The following GEMIN5 variants were observed in gnomAD, a reference collection of about 807,000 sequenced individuals.
GEMIN5 encodes gem-associated protein 5.
GEMIN5 carries 124 observed loss-of-function variants against 176.9 expected under a neutral mutation model. The ratio of observed to expected loss-of-function variants is 0.70; its 90% CI spans 0.61 to 0.81. The LOEUF is 0.81. GEMIN5 is among the 40% of genes least tolerant of loss of function. The pLI is 0.00. For missense variants in GEMIN5, 1,843 were observed against 1,814.6 expected (o/e 1.02, Z -0.28); for synonymous variants, 673 against 665.2 (o/e 1.01, Z -0.18).
rs1176619845 is a variant in GEMIN5 at position 154,928,631 on chromosome 5, C to T, written c.810G>A (p.Leu270=). 6.2e-7 allele frequency: 1 copy of T among 1,613,950 alleles called. No individual in the cohort carries two copies. Among genetic ancestry groups the T allele is most frequent in the East Asian group, 2.2e-5 (1 of 44,878 alleles). ...GGTCTATACCCCCTCCTCTTCTCTT[C>T]AGAAAGGGCAATTTCAAAATCATCA... is the stretch of plus-strand genomic sequence containing the variant. ...RGVMILKLPF[L]KRRGGGIDPT... Residue 270 remains leucine (L), a synonymous_variant, in exon 6 of 28, where the codon CTG becomes CTA. Transcript: ENST00000285873.
Position 154,899,275 on chromosome 5 carries a change from G to A in GEMIN5, c.3050C>T (p.Pro1017Leu), listed in dbSNP as rs1378180520. The change falls in exon 22 of 28, where the codon CCG becomes CTG. Residue 1017 changes from proline to leucine, a missense_variant. Transcript: ENST00000285873. ...CAAGTCCTTCAGGACTGGGTCCTCC[G>A]GGCGCAGCCGGGCCTTGGCAATCGC... Reference protein sequence around the residue: ...AIAIAKARLRPEDPVLKDLYL... With the variant: ...AIAIAKARLRLEDPVLKDLYL... 4.3e-6 allele frequency: 7 copies of A among 1,612,180 alleles called. No homozygotes were observed. Among genetic ancestry groups the A allele is most frequent in the South Asian group, 1.1e-5 (1 of 90,486 alleles).
chr5:154,907,148 G>A lies in GEMIN5; in HGVS notation c.2395+443C>T, dbSNP rs1047435256. 2.6e-5 allele frequency among the ~76,000 whole-genome samples: 4 copies of A among 152,068 alleles called. No individual in the cohort carries two copies. The East Asian group carries it at 5.8e-4, about 22-fold the overall frequency. ...TTTCTGTGAGAAGACAGAAAGCCGC[G>A]TACAAACTCCACGTAAGGGGGTGAG... is the stretch of plus-strand genomic sequence containing the variant. On this transcript the variant is annotated intron_variant, in intron 16 of 27. Coordinates refer to ENST00000285873, the MANE Select transcript of GEMIN5 (RefSeq NM_015465.5).
chr5:154,894,077 T>C (rs997885085), intron 24 of GEMIN5, among the ~76,000 whole-genome samples: 3 of 152,134 alleles, frequency 2.0e-5, no homozygotes, highest in Admixed American at 6.5e-5. Flanking sequence ...CCCTAGTACC[T>C]GGGATTACAG....
rs757769314 is a variant in GEMIN5 at position 154,919,996 on chromosome 5, T to C, written c.1570A>G (p.Lys524Glu). ...KLSGEAFDINKLIRDTNSIKY... is the reference protein window; with the variant it reads ...KLSGEAFDINELIRDTNSIKY... ...ATTGAATTGGTGTCCCTGATGAGTT[T>C]GTTGATGTCAAAGGCTTCTCCACTA... The change falls in exon 11 of 28, where the codon AAA becomes GAA. Residue 524 changes from lysine to glutamate, a missense_variant. Coordinates refer to ENST00000285873, the MANE Select transcript of GEMIN5 (RefSeq NM_015465.5). The C allele has an allele frequency of 3.1e-6, 5 of 1,613,732 alleles. No individual in the cohort carries two copies. The African/African-American group carries it at 4.0e-5, about 13-fold the overall frequency.
chr5:154,908,172 C>CTTTTTTT (rs386405383), intron 15 of GEMIN5, among the ~76,000 whole-genome samples: 1 of 73,064 alleles, frequency 1.4e-5, no homozygotes, highest in African/African-American at 5.3e-5. Context: ...CCCAGATGTC[C>CTTTTTTT]TTTTTTTTTT....
At chr5:154,927,287 A>C in intron 7 of GEMIN5, 98 bp downstream of exon 7, 1 of 669,342 alleles carries the variant, frequency 1.5e-6, no homozygotes, top group Admixed American at 2.4e-5. Context: ...TCAGGGGTGG[A>C]GTATTACGAC....
intron 13 of GEMIN5, among the ~76,000 whole-genome samples, chr5:154,913,678 G>A (rs1027681475): frequency 6.6e-6 from 1 of 152,100 alleles, no homozygotes; most frequent in Non-Finnish European, 1.5e-5. Flanking sequence ...TTAACCGGGT[G>A]TGTTGGTGCA....
intron 8 of GEMIN5, among the ~76,000 whole-genome samples, 168 bp downstream of exon 8, chr5:154,925,694 G>A (rs1764014954): frequency 6.6e-6 from 1 of 152,196 alleles, no homozygotes; most frequent in East Asian, 1.9e-4. Context: ...AAACTCTGGA[G>A]GATAATGGGT....
intron 25 of GEMIN5, 119 bp downstream of exon 25, chr5:154,892,268 A>T: frequency 1.2e-6 from 1 of 809,416 alleles, no homozygotes; most frequent in Non-Finnish European, 1.9e-6. Context: ...TTTCTACTAA[A>T]ATGACACAGC....
chr5:154,898,440 C>G lies in GEMIN5; in HGVS notation c.3345G>C (p.Gln1115His). 2 of 1,611,408 alleles carry G rather than the reference C, an allele frequency of 1.2e-6. No homozygotes were observed. Among genetic ancestry groups the G allele is most frequent in the African/African-American group, 2.7e-5 (2 of 75,004 alleles). Residue 1115 changes from glutamine (Q) to histidine (H), a missense_variant and splice_region_variant, in exon 23 of 28, where the codon CAG becomes CAC. Transcript: ENST00000285873. Reference sequence around the variant, plus strand: ...CTAGGAGATGAAATAACAGACTGACCTGTAGACTTTCATGCAGCTGCAGGG... The same window carrying G: ...CTAGGAGATGAAATAACAGACTGACGTGTAGACTTTCATGCAGCTGCAGGG... ...QEALQLHESLQGQRLVFCLLE... is the reference protein window; with the variant it reads ...QEALQLHESLHGQRLVFCLLE...
rs1415502108 is a variant in GEMIN5 at position 154,902,666 on chromosome 5, G to A, written c.2739C>T (p.His913=). 1.2e-6 allele frequency: 2 copies of A among 1,613,980 alleles called. No homozygotes were observed. The highest frequency in any genetic ancestry group is 2.2e-5 in the East Asian group (1 of 44,882). Reference sequence around the variant, plus strand: ...ATAACTCAGGGTGGCCATTTTCTAAGTGACCTTTTCCTGTTTGAAAGAGAG... The same window carrying A: ...ATAACTCAGGGTGGCCATTTTCTAAATGACCTTTTCCTGTTTGAAAGAGAG... ...YRMIDIEGKG[H]LENGHPELFH... is the part of the protein sequence containing the mutation. The change falls in exon 20 of 28, where the codon CAC becomes CAT. Residue 913 remains histidine (H), a synonymous_variant. Coordinates refer to ENST00000285873, the MANE Select transcript of GEMIN5 (RefSeq NM_015465.5).
chr5:154,913,172 G>C lies in GEMIN5; in HGVS notation c.1856-134C>G, dbSNP rs1763739603. 2.6e-5 allele frequency: 19 copies of C among 719,464 alleles called. No individual in the cohort carries two copies. In the South Asian group the frequency reaches 4.1e-4, roughly 15 times the overall value. The allele number at this position is 719,464 out of a possible 1,614,324, so 44.6% of individuals were successfully genotyped here. ...ACTTTCTAGGTTATTTTTTTTTTGA[G>C]ATGGAGTTTCGCTCTTGTTGCTCAG... On this transcript the variant is annotated intron_variant, in intron 13 of 27. Coordinates refer to ENST00000285873, the MANE Select transcript of GEMIN5 (RefSeq NM_015465.5).
At chr5:154,918,855 C>A (rs534014185) in intron 11 of GEMIN5, among the ~76,000 whole-genome samples, 6 of 151,916 alleles carry the variant, frequency 3.9e-5, no homozygotes, top group Admixed American at 2.0e-4. Flanking sequence ...CACAGCCTGG[C>A]CAACATGGTG....
intron 27 of GEMIN5, 45 bp from the exon 28 acceptor site, chr5:154,888,422 A>G (rs767025112): frequency 6.4e-7 from 1 of 1,563,850 alleles, no homozygotes; most frequent in Non-Finnish European, 8.8e-7. Context: ...CATTTGCAGA[A>G]GAGCCACAAA....
intron 2 of GEMIN5, 67 bp downstream of exon 2, chr5:154,936,958 C>A: frequency 7.9e-7 from 1 of 1,273,662 alleles, no homozygotes; most frequent in South Asian, 1.5e-5. Context: ...GCAAAACTAG[C>A]TTGCAACAGA....
At chr5:154,907,562 C>G in intron 16 of GEMIN5, 29 bp downstream of exon 16, 4 of 1,548,076 alleles carry the variant, frequency 2.6e-6, no homozygotes, top group Non-Finnish European at 3.6e-6. Flanking sequence ...CCATGAAATC[C>G]TAGTGATACA....
intron 3 of GEMIN5, 44 bp downstream of exon 3, chr5:154,935,797 C>A: frequency 2.1e-6 from 3 of 1,413,556 alleles, no homozygotes; most frequent in Non-Finnish European, 3.0e-6. Flanking sequence ...AAAACACGAT[C>A]ATAAACAAAC....
chr5:154,927,342 A>T, intron 7 of GEMIN5, 43 bp downstream of exon 7: 1 of 1,383,742 alleles, frequency 7.2e-7, no homozygotes, highest in Non-Finnish European at 1.0e-6. Context: ...CCCAAGTTGT[A>T]AACTGCTGCT....
In GEMIN5 at chr5:154,901,497, A is replaced by G; in HGVS notation, c.2867-11T>C. On this transcript the variant is annotated splice_polypyrimidine_tract_variant and intron_variant, in intron 20 of 27. Transcript: ENST00000285873. ...ACACATGGTAGCCAGCTGAAAAAAT[A>G]AAAGATGGTGGTTAAAAAAACAGTT... 6.2e-7 allele frequency: 1 copy of G among 1,612,824 alleles called. No individual in the cohort carries two copies. Among genetic ancestry groups the G allele is most frequent in the Non-Finnish European group, 8.5e-7 (1 of 1,179,476 alleles).
Sources: allele counts gnomAD v4.1 joint callset (sites outside exome capture counted in the v4.1 genomes callset), GRCh38; gene constraint gnomAD v4.1.1; transcripts MANE v1.5; gene names NCBI Gene and HGNC (gene_info 2026-07-23, HGNC 2026-07-21).